Variants in LRRFIP2 observed in about 807,000 individuals in gnomAD.
The protein encoded by LRRFIP2 is LRR binding FLII interacting protein 2.
LRRFIP2 carries 109 observed loss-of-function variants against 125.9 expected under a neutral mutation model. The observed-to-expected ratio is 0.87, with a 90% CI of 0.74 to 1.01. LRRFIP2 has a LOEUF of 1.01. LRRFIP2 is among the 50% of genes least tolerant of loss of function. The pLI is 0.00. For synonymous variants in LRRFIP2, 291 were observed against 293.1 expected, an observed-to-expected ratio of 0.99 and a Z score of 0.07; for missense variants, 850 against 862.3, an observed-to-expected ratio of 0.99 and a Z score of 0.18.
In LRRFIP2 at chr3:37,072,848, A is replaced by AT. The variant is rs772733497; in HGVS notation, c.1405dup (p.Met469AsnfsTer7). 24 of 1,612,938 alleles carry AT rather than the reference A, an allele frequency of 1.5e-5. No homozygotes were observed. The highest frequency in any genetic ancestry group is 8.3e-5 in the Admixed American group (5 of 59,904). ...CTGGAGGTCAAACACCTCTTTTGTC[A>AT]TGGTGTCTATTTTCTGCTGCATGCG... On this transcript the variant is annotated frameshift_variant, in exon 21 of 28. Transcript: ENST00000336686. LOFTEE classifies it high-confidence loss of function.
intron 17 of LRRFIP2, among the ~76,000 whole-genome samples, chr3:37,091,825 A>G (rs1441553668): frequency 1.3e-5 from 2 of 152,200 alleles, no homozygotes; most frequent in Non-Finnish European, 2.9e-5. Flanking sequence ...CTATATATGG[A>G]GGAAAAAGCT....
intron 27 of LRRFIP2, 118 bp from the exon 28 acceptor site, chr3:37,054,079 C>G (rs1198869817): frequency 4.3e-6 from 3 of 691,030 alleles, no homozygotes; most frequent in Non-Finnish European, 7.8e-6. Context: ...TGCACAGGAC[C>G]CACAACCTCA....
At chr3:37,161,276 AC>A (rs1428092740) in intron 1 of LRRFIP2, among the ~76,000 whole-genome samples, 1 of 151,854 alleles carries the variant, frequency 6.6e-6, no homozygotes, top group Non-Finnish European at 1.5e-5. Context: ...AATCACTTGA[AC>A]CCAGGAGGCA....
Position 37,145,285 on chromosome 3 carries a change from T to C in LRRFIP2, c.90+3609A>G, listed in dbSNP as rs1205808004. On this transcript the variant is annotated intron_variant, in intron 2 of 27. Coordinates refer to ENST00000336686, the MANE Select transcript of LRRFIP2 (RefSeq NM_006309.4). Reference sequence around the variant, plus strand: ...TATCTTCCATTTACTCGGAGACCTTTTGACAGCAAAAATATTCTTTTGGAA... The same window carrying C: ...TATCTTCCATTTACTCGGAGACCTTCTGACAGCAAAAATATTCTTTTGGAA... 3.3e-5 allele frequency among the ~76,000 whole-genome samples: 5 copies of C among 152,212 alleles called. No individual in the cohort carries two copies. In the East Asian group the frequency reaches 9.6e-4, roughly 29 times the overall value.
At chr3:37,091,780 TTC>T (rs986578929) in intron 17 of LRRFIP2, among the ~76,000 whole-genome samples, 1 of 152,210 alleles carries the variant, frequency 6.6e-6, no homozygotes, top group African/African-American at 2.4e-5. Flanking sequence ...TGGCATTAAA[TTC>T]TGTTAATAAC....
chr3:37,095,921 A>T (rs2093694085), intron 16 of LRRFIP2, among the ~76,000 whole-genome samples: 1 of 152,224 alleles, frequency 6.6e-6, no homozygotes. Context: ...TGTTGGGATT[A>T]CAGGCATGAG....
chr3:37,166,012 C>G (rs901241205), intron 1 of LRRFIP2, among the ~76,000 whole-genome samples: 1 of 152,014 alleles, frequency 6.6e-6, no homozygotes, highest in Non-Finnish European at 1.5e-5. Context: ...GCAGAAGCAA[C>G]AAAAGAAAAG....
At chr3:37,173,196 TA>T (rs1237501005) in intron 1 of LRRFIP2, among the ~76,000 whole-genome samples, 223 of 142,448 alleles carry the variant, frequency 1.6e-3, no homozygotes, top group Middle Eastern at 3.6e-3. Flanking sequence ...AGACTCCACC[TA>T]AAAAAAAAAA....
At chr3:37,076,540 CATAA>C (rs953835558) in intron 19 of LRRFIP2, among the ~76,000 whole-genome samples, 23 of 150,124 alleles carry the variant, frequency 1.5e-4, no homozygotes, top group Non-Finnish European at 5.9e-5. Flanking sequence ...AAAATAAATA[CATAA>C]ATAAATAAAA....
At chr3:37,072,652 G>C (rs931562176) in intron 21 of LRRFIP2, 138 bp downstream of exon 21, 1 of 486,172 alleles carries the variant, frequency 2.1e-6, no homozygotes, top group African/African-American at 2.0e-5. Context: ...GGAAGTCTCT[G>C]TCTCCTACTG....
chr3:37,131,932 CTG>C (rs1388182387), intron 2 of LRRFIP2, among the ~76,000 whole-genome samples: 1 of 152,178 alleles, frequency 6.6e-6, no homozygotes, highest in African/African-American at 2.4e-5. Flanking sequence ...ATTTCCCAGT[CTG>C]TGTAACTGGT....
At chr3:37,082,828 T>C (rs554249844) in intron 19 of LRRFIP2, among the ~76,000 whole-genome samples, 126 of 152,356 alleles carry the variant, frequency 8.3e-4, no homozygotes, top group African/African-American at 3.0e-3. Context: ...GTTGGTCTCC[T>C]ACAGGTTATA....
At chr3:37,156,581 G>A (rs2096200999) in intron 1 of LRRFIP2, among the ~76,000 whole-genome samples, 1 of 148,244 alleles carries the variant, frequency 6.7e-6, no homozygotes, top group Non-Finnish European at 1.5e-5. Flanking sequence ...GGCTGAGGCA[G>A]GAGAATGGCG....
At chr3:37,080,702 C>T (rs747859953) in intron 19 of LRRFIP2, among the ~76,000 whole-genome samples, 6 of 151,876 alleles carry the variant, frequency 4.0e-5, no homozygotes, top group Admixed American at 6.6e-5. Flanking sequence ...GGGACGAAAA[C>T]GGAAAAACTT....
chr3:37,175,494 G>A (rs6809852), upstream of LRRFIP2, among the ~76,000 whole-genome samples: 2,204 of 152,286 alleles, frequency 0.014, 23 homozygotes, highest in Middle Eastern at 0.041. Context: ...AGGTCCTCCT[G>A]CATGCTGCTG....
chr3:37,099,960 T>A (rs1211875533), intron 15 of LRRFIP2, among the ~76,000 whole-genome samples: 3 of 152,152 alleles, frequency 2.0e-5, no homozygotes, highest in African/African-American at 7.2e-5. Flanking sequence ...ATATTTCATG[T>A]TGAAATATTT....
At chr3:37,114,329 A>T (rs1481926950) in intron 7 of LRRFIP2, among the ~76,000 whole-genome samples, 1 of 152,188 alleles carries the variant, frequency 6.6e-6, no homozygotes, top group African/African-American at 2.4e-5. Context: ...CTCTAACACT[A>T]CTGGATGTTT....
chr3:37,143,972 G>A (rs956481291), intron 2 of LRRFIP2: 3 of 152,556 alleles, frequency 2.0e-5, no homozygotes, highest in African/African-American at 7.2e-5. Context: ...CTCTGACTGG[G>A]GCCGGATGCT....
intron 2 of LRRFIP2, chr3:37,135,187 A>C: frequency 1.1e-6 from 1 of 895,642 alleles, no homozygotes; most frequent in Non-Finnish European, 1.7e-6. Context: ...AAGGCTGGGC[A>C]CGTTGGCTCA....
Sources: gnomAD v4.1 joint callset for allele counts (sites outside exome capture counted in the v4.1 genomes callset) on GRCh38, gnomAD v4.1.1 for gene constraint, MANE v1.5 for transcripts, NCBI Gene and HGNC (gene_info 2026-07-23, HGNC 2026-07-21) for gene names.